The following CACNA2D4 variants were observed in gnomAD, a reference collection of about 807,000 sequenced individuals.
CACNA2D4 encodes the protein calcium voltage-gated channel auxiliary subunit alpha2delta 4.
Under a neutral mutation model 163.8 loss-of-function variants are expected in CACNA2D4, and 157 were observed. The ratio of observed to expected loss-of-function variants is 0.96; its 90% CI spans 0.84 to 1.09. The LOEUF (loss-of-function observed/expected upper bound fraction) is 1.09. CACNA2D4 is among the 50% of genes least tolerant of loss of function. The pLI is 0.00. For missense variants in CACNA2D4, 1,410 were observed against 1,479.9 expected (o/e 0.95, Z 0.78); for synonymous variants, 598 against 586.9 (o/e 1.02, Z -0.27).
rs1396235875 is a variant in CACNA2D4, at chr12:1,856,093, C to A, written c.2071G>T (p.Asp691Tyr). 1 of 1,613,944 alleles carries A rather than the reference C, an allele frequency of 6.2e-7. No homozygotes were observed. Among genetic ancestry groups the A allele is most frequent in the South Asian group, 1.1e-5 (1 of 91,078 alleles). Residue 691 changes from aspartate (D) to tyrosine (Y), a missense_variant, in exon 22 of 38, where the codon GAT (aspartate) becomes TAT (tyrosine). Transcript: ENST00000382722. Reference protein sequence around the residue: ...LAGDWIYCITDIDPDHRKLSQ... With the variant: ...LAGDWIYCITYIDPDHRKLSQ... ...AGCTTCCGGTGGTCTGGGTCAATAT[C>A]TGTGATGCAGTAGATCCTGAAACCC...
rs1283007098 is a variant in CACNA2D4 at position 1,887,028 on chromosome 12, C to T, written c.823G>A (p.Asp275Asn). The change falls in exon 7 of 38, where the codon GAC (aspartate) becomes AAC (asparagine). Residue 275 changes from aspartate to asparagine, a missense_variant. By Grantham distance (23) the Asp-to-Asn change is conservative. Coordinates refer to ENST00000382722, the MANE Select transcript of CACNA2D4 (RefSeq NM_172364.5). ...TCTTACCAGCCGCGGTTTCGGCAGT[C>T]AAAAGTAATGACTCCATTCTCATCA... ...TPDENGVITF[D>N]CRNRGWYIQA... 5 of 1,593,512 alleles carry T rather than the reference C, an allele frequency of 3.1e-6. No individual in the cohort carries two copies. The Admixed American group carries it at 8.5e-5, about 27-fold the overall frequency.
intron 4 of CACNA2D4, among the ~76,000 whole-genome samples, chr12:1,909,235 A>G (rs1052980714): frequency 1.3e-5 from 2 of 152,354 alleles, no homozygotes; most frequent in African/African-American, 2.4e-5. Flanking sequence ...TCTGTCGCCC[A>G]GGCTGGAGTG....
At chr12:1,882,640 G>T (rs1349989611) in intron 13 of CACNA2D4, among the ~76,000 whole-genome samples, 1 of 152,186 alleles carries the variant, frequency 6.6e-6, no homozygotes. Context: ...AGGCAGGTCT[G>T]CTGGGGGTCT....
At chr12:1,912,943 C>G (rs1024291260) in intron 3 of CACNA2D4, 80 bp downstream of exon 3, 2 of 829,316 alleles carry the variant, frequency 2.4e-6, no homozygotes, top group Non-Finnish European at 4.1e-6. Context: ...GATGCAGGGC[C>G]ATGACATCGG....
chr12:1,815,661 T>C (rs932581768), intron 26 of CACNA2D4, among the ~76,000 whole-genome samples: 8 of 144,192 alleles, frequency 5.5e-5, no homozygotes, highest in African/African-American at 2.4e-4. Context: ...CAAATTCAAT[T>C]TGAGCCAGCC....
At chr12:1,862,799 C>T (rs904401325) in intron 18 of CACNA2D4, among the ~76,000 whole-genome samples, 6 of 152,160 alleles carry the variant, frequency 3.9e-5, no homozygotes, top group Non-Finnish European at 7.3e-5. Flanking sequence ...CTGCTCAGTG[C>T]TCTGAGCATT....
At chr12:1,856,887 G>A (rs1865412347) in intron 20 of CACNA2D4, among the ~76,000 whole-genome samples, 1 of 152,184 alleles carries the variant, frequency 6.6e-6, no homozygotes, top group Non-Finnish European at 1.5e-5. Flanking sequence ...AGGCCAGTGG[G>A]GCATCTGTGG....
intron 6 of CACNA2D4, among the ~76,000 whole-genome samples, chr12:1,890,726 G>A (rs988860146): frequency 6.6e-6 from 1 of 152,166 alleles, no homozygotes; most frequent in Non-Finnish European, 1.5e-5. Flanking sequence ...CCAGCAGAGG[G>A]CATTGGGACA....
intron 20 of CACNA2D4, among the ~76,000 whole-genome samples, chr12:1,856,685 C>T (rs1244188235): frequency 1.3e-5 from 2 of 152,242 alleles, no homozygotes; most frequent in East Asian, 3.9e-4. Context: ...ATTTTGGCTT[C>T]ATTGGCTTCA....
Position 1,834,689 on chromosome 12 carries a change from G to A in CACNA2D4, c.2551+6050C>T, listed in dbSNP as rs769299567. On this transcript the variant is annotated intron_variant, in intron 26 of 37. Coordinates refer to ENST00000382722, the MANE Select transcript of CACNA2D4 (RefSeq NM_172364.5). This position sits in a 1 kb window ranked among gnomAD's most constrained non-coding sequence, Gnocchi z 7.6. ...GATGGGGGACCCCGAGGGCGAGCAC[G>A]AGGACCAGAAGCAGATCTCTTCTGT... The A allele has an allele frequency of 1.2e-5, 19 of 1,601,730 alleles. 1 individual carries two copies. The highest frequency in any genetic ancestry group is 4.4e-5 in the South Asian group (4 of 90,976).
At chr12:1,867,504 T>C (rs561673330) in intron 18 of CACNA2D4, among the ~76,000 whole-genome samples, 1 of 152,298 alleles carries the variant, frequency 6.6e-6, no homozygotes, top group South Asian at 2.1e-4. Flanking sequence ...AGTAAAGCTT[T>C]CGTTTCAGAT....
chr12:1,873,223 A>G (rs1865820411), intron 18 of CACNA2D4, among the ~76,000 whole-genome samples: 1 of 152,222 alleles, frequency 6.6e-6, no homozygotes, highest in Non-Finnish European at 1.5e-5. Context: ...GTGCCATGGA[A>G]CGTCCATTAT....
chr12:1,885,132 T>G, intron 9 of CACNA2D4, 56 bp from the exon 10 acceptor site: 1 of 1,438,496 alleles, frequency 7.0e-7, no homozygotes, highest in African/African-American at 1.4e-5. Flanking sequence ...CCAGTGGAGC[T>G]TCATGTTTGG....
chr12:1,907,626 A>G, intron 5 of CACNA2D4, 55 bp from the exon 6 acceptor site: 2 of 1,542,312 alleles, frequency 1.3e-6, no homozygotes, highest in Non-Finnish European at 1.8e-6. Flanking sequence ...GAAAATGGTG[A>G]TCATGCCCGG....
In CACNA2D4 at chr12:1,878,842, G is replaced by A. The variant is rs569798609; in HGVS notation, c.1644+114C>T. On this transcript the variant is annotated intron_variant, in intron 15 of 37. Coordinates refer to ENST00000382722, the MANE Select transcript of CACNA2D4 (RefSeq NM_172364.5). This position sits in a 1 kb window ranked among gnomAD's most constrained non-coding sequence, Gnocchi z 4.6. The stretch of plus-strand genomic sequence containing the variant: ...CCTGCACTTCTTGGGCAGTGATGGA[G>A]GGGCCCCACCCCAGCTCTGGGCTTG... 7 of 986,994 alleles carry A rather than the reference G, an allele frequency of 7.1e-6. No individual in the cohort carries two copies. In the African/African-American group the frequency reaches 1.1e-4, roughly 16 times the overall value. The allele number at this position is 986,994 out of a possible 1,614,324, so 61.1% of individuals were successfully genotyped here.
At chr12:1,818,748 A>T (rs1489613545) in intron 26 of CACNA2D4, among the ~76,000 whole-genome samples, 1 of 146,274 alleles carries the variant, frequency 6.8e-6, no homozygotes, top group Non-Finnish European at 1.5e-5. Context: ...CTCTGCGAGA[A>T]ACACCCAAGA....
intron 27 of CACNA2D4, among the ~76,000 whole-genome samples, chr12:1,810,901 C>A (rs1863684379): frequency 6.6e-6 from 1 of 152,184 alleles, no homozygotes; most frequent in Non-Finnish European, 1.5e-5. Context: ...GCGGGTGCTG[C>A]ATTCGGCAGG....
intron 6 of CACNA2D4, among the ~76,000 whole-genome samples, chr12:1,900,289 C>A (rs1866505618): frequency 6.6e-6 from 1 of 152,162 alleles, no homozygotes; most frequent in Non-Finnish European, 1.5e-5. Flanking sequence ...CCACGACTGG[C>A]TAATTTTCAT....
At position 1,831,143 on chromosome 12, in the gene CACNA2D4, C is replaced by A. The variant is rs149196673; in HGVS notation, c.2551+9596G>T. On this transcript the variant is annotated intron_variant, in intron 26 of 37. Coordinates refer to ENST00000382722, the MANE Select transcript of CACNA2D4 (RefSeq NM_172364.5). ...CAAGCTGGGCTTTCGCCAACCTCTC[C>A]AGCCTGCAGCGGTTGGACCTGTCCA... The A allele has an allele frequency of 6.8e-6, 11 of 1,613,924 alleles. No homozygotes were observed. In the African/African-American group the frequency reaches 1.5e-4, roughly 22 times the overall value.
Sources: allele counts gnomAD v4.1 joint callset (sites outside exome capture counted in the v4.1 genomes callset), GRCh38; gene constraint gnomAD v4.1.1; non-coding constraint Gnocchi (gnomAD v3.1); transcripts MANE v1.5; gene names NCBI Gene and HGNC (gene_info 2026-07-23, HGNC 2026-07-21).